Variants in TAS2R1 observed in about 807,000 individuals in gnomAD.
The protein encoded by TAS2R1 is taste 2 receptor member 1, also known as taste receptor type 2 member 1.
For missense variants in TAS2R1, 370 were observed against 353.4 expected, an observed-to-expected ratio of 1.05 and a Z score of -0.38; for synonymous variants, 141 against 134.2, an observed-to-expected ratio of 1.05 and a Z score of -0.35.
the TAS2R1 span, among the ~76,000 whole-genome samples, chr5:9,719,416 T>C: frequency 1.3e-5 from 2 of 152,226 alleles, no homozygotes; most frequent in African/African-American, 2.4e-5. Context: ...CTAGAAGCAA[T>C]ACTTGTTTCA....
chr5:9,718,172 T>C, the TAS2R1 span, among the ~76,000 whole-genome samples: 67,156 of 149,596 alleles, frequency 0.45, 15,538 homozygotes, highest in East Asian at 0.71. Context: ...TGTTTCGCCG[T>C]GTTGGCCAGG....
rs139038735 is a variant in TAS2R1, at chr5:9,712,028, A to AAGGGAGGG, written c.-242+136_-242+143dup. 4.1e-3 allele frequency: 371 copies of AAGGGAGGG among 89,938 alleles called. 1 individual carries two copies. The highest frequency in any genetic ancestry group is 0.011 in the Middle Eastern group (2 of 184). 5.6% of individuals were successfully genotyped at this position (89,938 alleles called of 1,614,324 possible). A position where few individuals can be genotyped will look rare whatever the true frequency, so the allele number is the denominator to read the frequency against. ...GAGAGAAAGAGAGAAGGAAGGAAGG[A>AAGGGAGGG]AGGGAGGGAGGGAGGGAGGGAGGGA... On this transcript the variant is annotated intron_variant, in intron 1 of 2. Coordinates refer to the TAS2R1 transcript ENST00000506620.
In TAS2R1 at chr5:9,630,271, T is replaced by C. The variant is rs1739849625; in HGVS notation, c.-239A>G. 3.1e-6 allele frequency: 1 copy of C among 322,818 alleles called. No homozygotes were observed. The highest frequency in any genetic ancestry group is 5.9e-6 in the Non-Finnish European group (1 of 168,950). 20.0% of individuals were successfully genotyped at this position (322,818 alleles called of 1,614,324 possible). A position where few individuals can be genotyped will look rare whatever the true frequency, so the allele number is the denominator to read the frequency against. ...TCAATTTGCTTCTTATTGATGGCTT[T>C]TGCATTTTACAGGTTTACCTAGCTT... On this transcript the variant is annotated 5_prime_UTR_variant, in exon 1 of 1. Coordinates refer to ENST00000382492, the MANE Select transcript of TAS2R1 (RefSeq NM_019599.3).
chr5:9,840,837 A>T, the TAS2R1 span, among the ~76,000 whole-genome samples: 32 of 12,678 alleles, frequency 2.5e-3, no homozygotes, highest in Admixed American at 4.4e-3. Flanking sequence ...ATTTTATTTT[A>T]TTTATTTATT....
the TAS2R1 span, among the ~76,000 whole-genome samples, chr5:9,753,993 G>A: frequency 0.73 from 111,105 of 151,938 alleles, 40,880 homozygotes; most frequent in East Asian, 0.84. Flanking sequence ...ATGAACATCA[G>A]TGTGAAAATC....
chr5:9,748,302 G>C, the TAS2R1 span, among the ~76,000 whole-genome samples: 1 of 152,050 alleles, frequency 6.6e-6, no homozygotes. Context: ...GCACAATCGC[G>C]GCTCACTGCA....
chr5:9,640,497 TAAAA>T (rs56140715), intron 2 of TAS2R1, among the ~76,000 whole-genome samples: 3 of 59,030 alleles, frequency 5.1e-5, no homozygotes, highest in African/African-American at 8.3e-5. Context: ...TTCAATTCCT[TAAAA>T]AAAAAAAAAA....
At chr5:9,855,130 C>A in the TAS2R1 span, among the ~76,000 whole-genome samples, 1 of 152,152 alleles carries the variant, frequency 6.6e-6, no homozygotes, top group South Asian at 2.1e-4. Flanking sequence ...TTTTACTTGG[C>A]AGACTTCCTA....
the TAS2R1 span, among the ~76,000 whole-genome samples, chr5:9,739,819 C>G: frequency 7.2e-5 from 11 of 152,192 alleles, no homozygotes; most frequent in African/African-American, 2.4e-4. Context: ...AAGATGATCT[C>G]TAAATCAGGA....
chr5:9,840,913 T>C, the TAS2R1 span, among the ~76,000 whole-genome samples: 1 of 145,636 alleles, frequency 6.9e-6, no homozygotes, highest in African/African-American at 2.5e-5. Flanking sequence ...TCTCACACTT[T>C]CACCCAGCTG....
chr5:9,643,631 T>C (rs1417613418), intron 2 of TAS2R1, among the ~76,000 whole-genome samples: 1 of 152,212 alleles, frequency 6.6e-6, no homozygotes, highest in Non-Finnish European at 1.5e-5. Flanking sequence ...ATGGCTTTGA[T>C]GTCACTAGCT....
At chr5:9,811,598 T>C in the TAS2R1 span, among the ~76,000 whole-genome samples, 1 of 152,184 alleles carries the variant, frequency 6.6e-6, no homozygotes, top group Non-Finnish European at 1.5e-5. Context: ...GGTTCCTCCC[T>C]GGTTCTGAAT....
the TAS2R1 span, among the ~76,000 whole-genome samples, chr5:9,746,498 A>G: frequency 6.6e-6 from 1 of 152,238 alleles, no homozygotes; most frequent in African/African-American, 2.4e-5. Flanking sequence ...TTATAATAGC[A>G]AAGACTTGGA....
chr5:9,777,320 T>C, the TAS2R1 span, among the ~76,000 whole-genome samples: 1 of 152,252 alleles, frequency 6.6e-6, no homozygotes, highest in Non-Finnish European at 1.5e-5. Context: ...TCTAAGTCTT[T>C]TGTGGTTGTT....
chr5:9,693,389 C>T (rs891728767), intron 1 of TAS2R1, among the ~76,000 whole-genome samples: 1 of 151,444 alleles, frequency 6.6e-6, no homozygotes, highest in Non-Finnish European at 1.5e-5. Flanking sequence ...CCAGACATGG[C>T]GGCACATGCC....
the TAS2R1 span, among the ~76,000 whole-genome samples, chr5:9,847,107 T>C: frequency 0.26 from 40,122 of 152,164 alleles, 6,540 homozygotes; most frequent in Non-Finnish European, 0.37. Context: ...GAAAACTTCA[T>C]AGATGACCCT....
the TAS2R1 span, among the ~76,000 whole-genome samples, chr5:9,772,537 A>G: frequency 7.2e-5 from 11 of 152,034 alleles, no homozygotes; most frequent in Non-Finnish European, 1.0e-4. Context: ...TATAGTGTAG[A>G]TTAAGTCCAA....
intron 1 of TAS2R1, among the ~76,000 whole-genome samples, chr5:9,705,926 T>C (rs967299529): frequency 3.3e-5 from 5 of 152,178 alleles, no homozygotes; most frequent in Non-Finnish European, 5.9e-5. Flanking sequence ...GTCACCTTAC[T>C]GGGCTTGGTG....
the TAS2R1 span, among the ~76,000 whole-genome samples, chr5:9,862,486 T>A: frequency 1.3e-5 from 2 of 152,166 alleles, no homozygotes; most frequent in African/African-American, 4.8e-5. Context: ...TTGTGTCCTG[T>A]CACATAATTC....
Sources: gnomAD v4.1 joint callset for allele counts (sites outside exome capture counted in the v4.1 genomes callset) on GRCh38, gnomAD v4.1.1 for gene constraint, MANE v1.5 for transcripts, NCBI Gene and HGNC (gene_info 2026-07-23, HGNC 2026-07-21) for gene names.